Variants in MOK observed in about 807,000 individuals in gnomAD.
MOK encodes MOK protein kinase, also known as MAPK/MAK/MRK overlapping kinase.
A neutral mutation model predicts 54.2 loss-of-function variants in MOK; 59 were observed. That is an observed-to-expected ratio of 1.09 (90% CI 0.88 to 1.35). The LOEUF (loss-of-function observed/expected upper bound fraction) is 1.35. Ranked by LOEUF, MOK falls within the 40% of genes most tolerant of loss-of-function variation. The probability of loss-of-function intolerance (pLI) is 0.00; values close to 1 mark genes in which losing one functional copy is unlikely to be tolerated. For synonymous variants in MOK, 210 were observed against 202.7 expected (o/e 1.04, Z -0.31); for missense variants, 517 against 526.2 (o/e 0.98, Z 0.17).
intron 1 of MOK, among the ~76,000 whole-genome samples, chr14:102,286,309 A>C (rs2070082769): frequency 6.9e-6 from 1 of 144,268 alleles, no homozygotes; most frequent in African/African-American, 2.6e-5. Flanking sequence ...AAAAAAAAAA[A>C]AAAAAAAAAA....
chr14:102,251,395 T>G, intron 6 of MOK: 1 of 391,976 alleles, frequency 2.6e-6, no homozygotes, highest in Non-Finnish European at 4.9e-6. Flanking sequence ...AAACAGCAAA[T>G]TGTACGGTTT....
chr14:102,224,975 G>A (rs1042462297), downstream of MOK: 18 of 355,940 alleles, frequency 5.1e-5, no homozygotes, highest in Non-Finnish European at 7.7e-5. Flanking sequence ...AGTTATACAG[G>A]AAGCCAAACC....
Position 102,235,173 on chromosome 14 carries a change from G to A in MOK, c.591-1384C>T, listed in dbSNP as rs759766699. 6.6e-6 allele frequency: 1 copy of A among 151,596 alleles called. No individual in the cohort carries two copies. Among genetic ancestry groups the A allele is most frequent in the Non-Finnish European group, 1.5e-5 (1 of 68,016 alleles). 9.4% of individuals were successfully genotyped at this position (151,596 alleles called of 1,614,324 possible). A position where few individuals can be genotyped will look rare whatever the true frequency, so the allele number is the denominator to read the frequency against. ...CCATCTCCACCCCTTACTCGTTCTC[G>A]AGCCCAACACGCCCAGCAGCCTGCT... On this transcript the variant is annotated intron_variant, in intron 7 of 11. Transcript: ENST00000361847. The surrounding 1 kb of genome is among the most constrained non-coding windows in gnomAD (Gnocchi z 4.4).
intron 1 of MOK, among the ~76,000 whole-genome samples, chr14:102,298,967 A>G (rs111527224): frequency 1.9e-3 from 296 of 152,246 alleles, no homozygotes; most frequent in Non-Finnish European, 3.1e-3. Context: ...CAGTGAGACC[A>G]CGAACCCACC....
rs189700495 is a variant in MOK at position 102,241,093 on chromosome 14, G to A, written c.591-7304C>T. On this transcript the variant is annotated intron_variant, in intron 7 of 11. Coordinates refer to ENST00000361847, the MANE Select transcript of MOK (RefSeq NM_014226.3). ...GTCGAAAAATGGGCAAATGGTCTGA[G>A]GTGCCTGACGTCCAGGCATTCTTTT... Among the ~76,000 whole-genome samples the A allele has an allele frequency of 3.6e-3, 542 of 152,300 alleles. 11 individuals carry two copies. The highest frequency in any genetic ancestry group is 2.0e-3 in the Non-Finnish European group (137 of 68,020).
At position 102,255,095 on chromosome 14, in the gene MOK, G is replaced by A. The variant is rs534835079; in HGVS notation, c.284-3100C>T. Among the ~76,000 whole-genome samples the A allele has an allele frequency of 7.2e-5, 11 of 152,274 alleles. No individual in the cohort carries two copies. The South Asian group carries it at 1.2e-3, about 17-fold the overall frequency. ...AGCACTTTGGGAGGCTGAGGCAGGC[G>A]GATCACGAGGTCCGGAGATCGAGAC... On this transcript the variant is annotated intron_variant, in intron 4 of 11. Coordinates refer to ENST00000361847, the MANE Select transcript of MOK (RefSeq NM_014226.3).
At chr14:102,301,316 G>A (rs1017236820) in intron 1 of MOK, among the ~76,000 whole-genome samples, 22 of 152,304 alleles carry the variant, frequency 1.4e-4, no homozygotes, top group African/African-American at 5.3e-4. Flanking sequence ...TAACATGCCT[G>A]AAGCTGCCAT....
intron 1 of MOK, among the ~76,000 whole-genome samples, chr14:102,294,399 T>C (rs1001711112): frequency 7.0e-6 from 1 of 142,672 alleles, no homozygotes; most frequent in Non-Finnish European, 1.5e-5. Context: ...TGAGCCGAGA[T>C]AGCGCCACTG....
chr14:102,224,297 C>T (rs1316296271), downstream of MOK, among the ~76,000 whole-genome samples: 1 of 151,940 alleles, frequency 6.6e-6, no homozygotes, highest in Non-Finnish European at 1.5e-5. Flanking sequence ...GCCTTGGCCT[C>T]CCAAAGTGCT....
rs1952956 is a variant in MOK, at chr14:102,236,670, C to T, written c.591-2881G>A. ...CTTCCCACCTCTTTTGTAAACCCAA[C>T]AGGGTGGGACACCACCACCCCTTCC... On this transcript the variant is annotated intron_variant, in intron 7 of 11. Transcript: ENST00000361847. The surrounding 1 kb of genome is among the most constrained non-coding windows in gnomAD (Gnocchi z 4.5). Among the ~76,000 whole-genome samples, 151,933 of 152,006 alleles carry T rather than the reference C, an allele frequency of 1. 75,930 individuals are homozygous for T. The highest frequency in any genetic ancestry group is 1 in the Middle Eastern group (294 of 294).
rs146671071 is a variant in MOK, at chr14:102,284,390, CT to C, written c.8-799del. 4.6e-3 allele frequency among the ~76,000 whole-genome samples: 700 copies of C among 152,086 alleles called. 6 individuals are homozygous for C. The highest frequency in any genetic ancestry group is 0.016 in the African/African-American group (649 of 41,494). ...TTCATGGACCCAGTGTCCGCTGAGC[CT>C]GCTGGCCTAAGGAAAGTGGTGGGAA... On this transcript the variant is annotated intron_variant, in intron 1 of 11. Coordinates refer to ENST00000361847, the MANE Select transcript of MOK (RefSeq NM_014226.3).
In MOK at chr14:102,263,605, G is replaced by C. The variant is rs746805358; in HGVS notation, c.224C>G (p.Ser75Cys). 6.2e-6 allele frequency: 10 copies of C among 1,603,410 alleles called. No homozygotes were observed. Among genetic ancestry groups the C allele is most frequent in the African/African-American group, 2.7e-5 (2 of 74,656 alleles). ...MLHEVVFDRK[S>C]GSLALICELM... ...TTCACATATTAGTGCAAGAGAACCA[G>C]ATTTTCTGTCACTGAAGAAGAAAGC... Residue 75 changes from serine (S) to cysteine (C), a missense_variant, in exon 4 of 12, where the codon TCT becomes TGT. Coordinates refer to ENST00000361847, the MANE Select transcript of MOK (RefSeq NM_014226.3).
At chr14:102,219,444 A>G in the MOK span, among the ~76,000 whole-genome samples, 2 of 152,216 alleles carry the variant, frequency 1.3e-5, no homozygotes, top group African/African-American at 4.8e-5. Context: ...ACTGATGCCA[A>G]CGCAGGGCCA....
In MOK at chr14:102,231,537, G is replaced by C. The variant is rs2064704544; in HGVS notation, c.981+170C>G. ...TTGAGCAAATAGAACTGGGGTCCCT[G>C]ATGTCCCAACACATGGAGCCATCAA... is the stretch of plus-strand genomic sequence containing the variant. On this transcript the variant is annotated intron_variant, in intron 10 of 11. Transcript: ENST00000361847. The surrounding 1 kb of genome is among the most constrained non-coding windows in gnomAD (Gnocchi z 4.4). 1 of 597,950 alleles carries C rather than the reference G, an allele frequency of 1.7e-6. No homozygotes were observed. The highest frequency in any genetic ancestry group is 3.0e-6 in the Non-Finnish European group (1 of 332,868). The allele number at this position is 597,950 out of a possible 1,614,324, so 37.0% of individuals were successfully genotyped here. A position where few individuals can be genotyped will look rare whatever the true frequency, so the allele number is the denominator to read the frequency against.
At chr14:102,277,324 T>C (rs1239665518) in intron 2 of MOK, 1 of 152,154 alleles carries the variant, frequency 6.6e-6, no homozygotes, top group East Asian at 1.9e-4. Flanking sequence ...TTGCTCAGCA[T>C]TAAAGAGGCA....
intron 1 of MOK, among the ~76,000 whole-genome samples, chr14:102,293,001 C>T (rs939410655): frequency 6.6e-6 from 1 of 152,172 alleles, no homozygotes; most frequent in Non-Finnish European, 1.5e-5. Context: ...AGGAGGGTGG[C>T]GCACACCTGC....
the MOK span, among the ~76,000 whole-genome samples, chr14:102,219,042 C>T: frequency 2.6e-5 from 4 of 152,188 alleles, no homozygotes; most frequent in South Asian, 6.2e-4. Flanking sequence ...AGCAGGGTCC[C>T]TGTCACCGGG....
chr14:102,229,752 T>A, intron 10 of MOK, 95 bp from the exon 11 acceptor site: 2 of 1,126,548 alleles, frequency 1.8e-6, no homozygotes, highest in Non-Finnish European at 2.5e-6. Flanking sequence ...TGCTTTTGCC[T>A]AATACAATTT....
chr14:102,275,934 G>A (rs909308937), intron 2 of MOK, among the ~76,000 whole-genome samples: 1 of 151,982 alleles, frequency 6.6e-6, no homozygotes, highest in Non-Finnish European at 1.5e-5. Flanking sequence ...TTCTCCCTTA[G>A]GATGGCTTGT....
Sources: allele counts gnomAD v4.1 joint callset (sites outside exome capture counted in the v4.1 genomes callset), GRCh38; gene constraint gnomAD v4.1.1; non-coding constraint Gnocchi (gnomAD v3.1); transcripts MANE v1.5; gene names NCBI Gene and HGNC (gene_info 2026-07-23, HGNC 2026-07-21).